Variants in ITLN2 observed in about 807,000 individuals in gnomAD.
The protein encoded by ITLN2 is intelectin 2, also known as intelectin-2.
ITLN2 carries 29 observed loss-of-function variants against 39.4 expected under a neutral mutation model. The observed-to-expected ratio is 0.74, with a 90% CI of 0.55 to 1.00. ITLN2 has a LOEUF of 1.00. Among genes scored for constraint, ITLN2 ranks in the 50% least tolerant of loss-of-function variants. ITLN2 has a pLI of 0.00. For missense variants in ITLN2, 412 were observed against 416.7 expected (o/e 0.99, Z 0.10); for synonymous variants, 156 against 153.4 (o/e 1.02, Z -0.12).
intron 7 of ITLN2, among the ~76,000 whole-genome samples, chr1:160,946,609 A>T (rs1186257212): frequency 6.6e-6 from 1 of 151,864 alleles, no homozygotes; most frequent in South Asian, 2.1e-4. Flanking sequence ...GCAACTCGGG[A>T]GGCTGAGGCA....
intron 5 of ITLN2, 25 bp downstream of exon 5, chr1:160,950,528 C>T (rs757228738): frequency 1.9e-5 from 30 of 1,606,618 alleles, no homozygotes; most frequent in Non-Finnish European, 2.6e-5. Flanking sequence ...AAAGAAAGTG[C>T]CCCCCAGCCA....
At chr1:160,954,298 A>C in intron 2 of ITLN2, 89 bp downstream of exon 2, 1 of 1,028,150 alleles carries the variant, frequency 9.7e-7, no homozygotes, top group East Asian at 2.6e-5. Flanking sequence ...CCTTGACTTC[A>C]GAGCCCTGCC....
chr1:160,950,233 G>A, intron 5 of ITLN2, 67 bp from the exon 6 acceptor site: 1 of 1,561,124 alleles, frequency 6.4e-7, no homozygotes, highest in South Asian at 1.1e-5. Flanking sequence ...GGGGGGAGGA[G>A]GGGTTTCAAA....
chr1:160,953,543 C>G (rs989920874), intron 2 of ITLN2, among the ~76,000 whole-genome samples: 1 of 152,048 alleles, frequency 6.6e-6, no homozygotes, highest in African/African-American at 2.4e-5. Context: ...AACCCCATCT[C>G]TACTAAAAAT....
At chr1:160,946,024 C>T (rs1022192714) in intron 7 of ITLN2, among the ~76,000 whole-genome samples, 1 of 152,046 alleles carries the variant, frequency 6.6e-6, no homozygotes, top group South Asian at 2.1e-4. Flanking sequence ...AAATTATACT[C>T]AGCCGGGCAC....
chr1:160,947,947 A>G lies in ITLN2; in HGVS notation c.807T>C (p.Thr269=), dbSNP rs148690994. 433 of 1,613,766 alleles carry G rather than the reference A, an allele frequency of 2.7e-4. No homozygotes were observed. In the African/African-American group the frequency reaches 5.2e-3, roughly 20 times the overall value. ...ANALCAGIKV[T]GCNTEHHCIG... ...AACTCACATGCTCAGTGTTACAGCC[A>G]GTAACTTTTATCCCAGCACAAAGGG... Residue 269 remains threonine (T), a synonymous_variant, in exon 7 of 8, where the codon ACT becomes ACC. Coordinates refer to ENST00000368029, the MANE Select transcript of ITLN2 (RefSeq NM_080878.3).
intron 7 of ITLN2, among the ~76,000 whole-genome samples, chr1:160,946,182 A>G (rs1671595809): frequency 6.6e-6 from 1 of 151,984 alleles, no homozygotes. Flanking sequence ...GTGGCAGTGC[A>G]TTCCTGTAAT....
intron 7 of ITLN2, among the ~76,000 whole-genome samples, chr1:160,947,386 C>T (rs768823017): frequency 1.3e-5 from 2 of 152,132 alleles, no homozygotes; most frequent in Non-Finnish European, 2.9e-5. Flanking sequence ...CATTCCATTC[C>T]CAGGGATGAG....
chr1:160,950,894 A>AAG, intron 4 of ITLN2, 149 bp downstream of exon 4: 1 of 1,507,878 alleles, frequency 6.6e-7, no homozygotes, highest in Admixed American at 1.8e-5. Context: ...AGCCTTGTTG[A>AAG]GAGGAAGTTG....
chr1:160,950,812 T>C, intron 4 of ITLN2, 101 bp from the exon 5 acceptor site: 3 of 1,524,820 alleles, frequency 2.0e-6, no homozygotes, highest in Non-Finnish European at 1.8e-6. Context: ...CTGGGATCAG[T>C]AGGCAGATGG....
In ITLN2 at chr1:160,945,103, A is replaced by G. The variant is rs758894337; in HGVS notation, c.*37T>C. The G allele has an allele frequency of 1.3e-6, 2 of 1,529,712 alleles. No homozygotes were observed. Among genetic ancestry groups the G allele is most frequent in the Admixed American group, 2.6e-5 (1 of 39,018 alleles). 94.8% of individuals were successfully genotyped at this position (1,529,712 alleles called of 1,614,324 possible). On this transcript the variant is annotated 3_prime_UTR_variant, in exon 8 of 8. Transcript: ENST00000368029. ...TCCGTCTCCAAATAGCCGGGGTTGG[A>G]AGATGGGTTCTCGCCCTGACACCGC...
chr1:160,947,766 G>A (rs140962768), intron 7 of ITLN2, among the ~76,000 whole-genome samples, 163 bp downstream of exon 7: 35 of 152,234 alleles, frequency 2.3e-4, no homozygotes, highest in Non-Finnish European at 4.7e-4. Flanking sequence ...ACAGAGTTGG[G>A]GCTAAAGTTA....
At chr1:160,951,405 A>C in intron 3 of ITLN2, 115 bp from the exon 4 acceptor site, 1 of 1,358,046 alleles carries the variant, frequency 7.4e-7, no homozygotes, top group Middle Eastern at 1.9e-4. Flanking sequence ...TCCAACACAT[A>C]CTTGCTGGAA....
At chr1:160,953,082 T>C (rs1671782442) in intron 2 of ITLN2, among the ~76,000 whole-genome samples, 1 of 152,154 alleles carries the variant, frequency 6.6e-6, no homozygotes, top group Non-Finnish European at 1.5e-5. Flanking sequence ...GCCTGGGAAC[T>C]GCTGGGGAAG....
intron 2 of ITLN2, 103 bp downstream of exon 2, chr1:160,954,284 T>C: frequency 1.1e-6 from 1 of 896,478 alleles, no homozygotes; most frequent in South Asian, 1.7e-5. Flanking sequence ...ACTTCCCCTT[T>C]GACCCTTGAC....
rs147372886 is a variant in ITLN2, at chr1:160,945,182, A to G, written c.936T>C (p.Ser312=). The change falls in exon 8 of 8, where the codon AGT becomes AGC. Residue 312 remains serine, a synonymous_variant. Transcript: ENST00000368029. ...GTACAGCCGCCTCCGTTATCTCCCG[A>G]CTGCAGCTGCTCTTAACGTGAGTTC... The part of the protein sequence containing the change: ...GYGTHVKSSC[S]REITEAAVLL... 1 of 1,606,716 alleles carries G rather than the reference A, an allele frequency of 6.2e-7. No individual in the cohort carries two copies. The highest frequency in any genetic ancestry group is 1.3e-5 in the African/African-American group (1 of 74,436).
intron 1 of ITLN2, 130 bp from the exon 2 acceptor site, chr1:160,954,580 C>A: frequency 8.2e-7 from 1 of 1,224,918 alleles, no homozygotes; most frequent in South Asian, 1.3e-5. Flanking sequence ...CATTCTAAAA[C>A]CTCCTGGAAT....
In ITLN2 at chr1:160,950,948, C is replaced by A. The variant is rs186275281; in HGVS notation, c.441+95G>T. On this transcript the variant is annotated intron_variant, in intron 4 of 7. Transcript: ENST00000368029. ...TCTCTCTTCTTCTCCAGCCCTTCCC[C>A]ATATCCCCACCTTCCAGCCCTCCCT... The A allele has an allele frequency of 9.4e-6, 15 of 1,603,460 alleles. No homozygotes were observed. The African/African-American group carries it at 1.7e-4, about 19-fold the overall frequency.
rs1330430067 is a variant in ITLN2, at chr1:160,951,046, G to A, written c.438C>T (p.Tyr146=). The stretch of plus-strand genomic sequence containing the variant: ...GTAGGAGAGAAGTGGCACCAACCTT[G>A]TAGTCATCGCTCGTGGCCGCCTCTG... ...GSAEAATSDD[Y]KNPGYYDIQA... Residue 146 remains tyrosine, a synonymous_variant, in exon 4 of 8, where the codon TAC becomes TAT. Transcript: ENST00000368029. The A allele has an allele frequency of 8.7e-6, 14 of 1,614,206 alleles. No homozygotes were observed. Among genetic ancestry groups the A allele is most frequent in the Non-Finnish European group, 1.1e-5 (13 of 1,180,040 alleles).
Sources: allele counts gnomAD v4.1 joint callset (sites outside exome capture counted in the v4.1 genomes callset), GRCh38; gene constraint gnomAD v4.1.1; transcripts MANE v1.5; gene names NCBI Gene and HGNC (gene_info 2026-07-23, HGNC 2026-07-21).